DNAH3: variants seen among roughly 807,000 people sequenced by gnomAD.
DNAH3 encodes the protein dynein axonemal heavy chain 3, also known as axonemal beta dynein heavy chain 3.
DNAH3 carries 332 observed loss-of-function variants against 432.5 expected under a neutral mutation model. The observed-to-expected ratio is 0.77, with a 90% confidence interval of 0.70 to 0.84. The LOEUF (loss-of-function observed/expected upper bound fraction) is 0.84. Ranked by LOEUF, DNAH3 falls within the 40% of genes least tolerant of loss-of-function variation. DNAH3 has a pLI of 0.00. For synonymous variants in DNAH3, 1,956 were observed against 1,900.2 expected (o/e 1.03, Z -0.76); for missense variants, 4,861 against 5,114.0 (o/e 0.95, Z 1.51).
At chr16:20,969,214 G>T (rs895184314) in intron 52 of DNAH3, among the ~76,000 whole-genome samples, 1 of 151,110 alleles carries the variant, frequency 6.6e-6, no homozygotes, top group South Asian at 2.1e-4. Flanking sequence ...ATGCATGTCT[G>T]CAAGTGTGTT....
At chr16:20,944,399 A>C (rs2083950664) in intron 58 of DNAH3, 97 bp downstream of exon 58, 1 of 1,438,494 alleles carries the variant, frequency 7.0e-7, no homozygotes, top group Non-Finnish European at 9.6e-7. Context: ...CCAGGCCCCC[A>C]CTCTCTGCCT....
intron 1 of DNAH3, among the ~76,000 whole-genome samples, chr16:21,147,464 C>T (rs2152833714): frequency 6.6e-6 from 1 of 152,264 alleles, no homozygotes; most frequent in Middle Eastern, 3.4e-3. Flanking sequence ...GATCCACCTG[C>T]TTCGACCTTC....
chr16:21,040,049 C>A, intron 32 of DNAH3, 106 bp from the exon 33 acceptor site: 1 of 910,904 alleles, frequency 1.1e-6, no homozygotes, highest in Non-Finnish European at 1.8e-6. Flanking sequence ...TCAGGCCACT[C>A]CAGTGACAAT....
chr16:21,083,022 CTT>C (rs112090022), intron 19 of DNAH3, among the ~76,000 whole-genome samples: 2 of 140,182 alleles, frequency 1.4e-5, no homozygotes, highest in African/African-American at 2.6e-5. Flanking sequence ...TTTTTCCATA[CTT>C]TTTTTTTTTT....
Position 21,153,748 on chromosome 16 carries a change from T to TA in DNAH3, c.117+5576dup, listed in dbSNP as rs577651997. Among the ~76,000 whole-genome samples, 20 of 152,086 alleles carry TA rather than the reference T, an allele frequency of 1.3e-4. 1 individual carries two copies. In the South Asian group the frequency reaches 4.0e-3, roughly 30 times the overall value. ...GGAACAAACTCCAGACGCGCTACCTTAAGAGCTGTAACACTCACCGCGAGG... is the reference window on the plus strand; with the variant it reads ...GGAACAAACTCCAGACGCGCTACCTTAAAGAGCTGTAACACTCACCGCGAGG... On this transcript the variant is annotated intron_variant, in intron 1 of 61. Transcript: ENST00000261383.
At chr16:20,998,144 G>A (rs1312587909) in intron 43 of DNAH3, among the ~76,000 whole-genome samples, 3 of 152,194 alleles carry the variant, frequency 2.0e-5, no homozygotes, top group Non-Finnish European at 2.9e-5. Context: ...GATGGCAACA[G>A]TCAAGCTCCC....
At chr16:21,131,494 G>GAA (rs2092558615) in intron 7 of DNAH3, among the ~76,000 whole-genome samples, 1 of 6,406 alleles carries the variant, frequency 1.6e-4, no homozygotes, top group African/African-American at 1.8e-4. Flanking sequence ...AAAAGAAAGA[G>GAA]AGATGAGAGA....
At chr16:21,078,863 T>C (rs1262862115) in intron 20 of DNAH3, among the ~76,000 whole-genome samples, 1 of 152,182 alleles carries the variant, frequency 6.6e-6, no homozygotes. Flanking sequence ...ATACATGCAA[T>C]ATCACACCTC....
rs576041693 is a variant in DNAH3, at chr16:20,997,102, G to A, written c.6601+181C>T. The A allele has an allele frequency of 4.2e-5, 24 of 574,932 alleles. No individual in the cohort carries two copies. In the South Asian group the frequency reaches 4.2e-4, roughly 10 times the overall value. 35.6% of individuals were successfully genotyped at this position (574,932 alleles called of 1,614,324 possible). On this transcript the variant is annotated intron_variant, in intron 44 of 61. Coordinates refer to ENST00000261383, the Ensembl canonical transcript of DNAH3. Reference sequence around the variant, plus strand: ...ACACTCCTCACATCTTCTTGCCATCGTCCCCTTCTATTTCACACAATTTCC... The same window carrying A: ...ACACTCCTCACATCTTCTTGCCATCATCCCCTTCTATTTCACACAATTTCC...
intron 7 of DNAH3, among the ~76,000 whole-genome samples, chr16:21,131,512 G>GGAAA (rs2092560526): frequency 6.8e-6 from 1 of 147,474 alleles, no homozygotes; most frequent in African/African-American, 2.5e-5. Context: ...AGAGAAGGAA[G>GGAAA]GAAGGAAGGA....
intron 59 of DNAH3, among the ~76,000 whole-genome samples, chr16:20,938,628 G>A (rs777652878): frequency 2.8e-4 from 40 of 142,506 alleles, no homozygotes; most frequent in Non-Finnish European, 4.6e-4. Context: ...CTGAACTGTC[G>A]CTGAATCATT....
chr16:21,129,863 C>T (rs2092521827), intron 7 of DNAH3: 1 of 152,062 alleles, frequency 6.6e-6, no homozygotes, highest in South Asian at 2.1e-4. Flanking sequence ...CAGCCCCACA[C>T]AAACCACACT....
At chr16:21,050,509 G>T (rs557184681) in intron 29 of DNAH3, among the ~76,000 whole-genome samples, 12 of 152,284 alleles carry the variant, frequency 7.9e-5, no homozygotes, top group African/African-American at 2.9e-4. Flanking sequence ...CATGGTCACA[G>T]CTCACTGCAG....
At chr16:21,017,462 G>T (rs2087917239) in intron 41 of DNAH3, among the ~76,000 whole-genome samples, 1 of 152,114 alleles carries the variant, frequency 6.6e-6, no homozygotes, top group Admixed American at 6.6e-5. Flanking sequence ...TCAAAAGAAT[G>T]CAACCATTTC....
At chr16:21,157,336 C>CTTT (rs34449371) in intron 1 of DNAH3, among the ~76,000 whole-genome samples, 26 of 111,836 alleles carry the variant, frequency 2.3e-4, no homozygotes, top group Non-Finnish European at 3.7e-4. Context: ...GTGATTGCTT[C>CTTT]TTTTTTTTTT....
At chr16:21,095,533 G>A (rs1357421786) in intron 18 of DNAH3, among the ~76,000 whole-genome samples, 1 of 152,122 alleles carries the variant, frequency 6.6e-6, no homozygotes. Flanking sequence ...GTTGCCAGGG[G>A]TTACAACTGG....
At chr16:20,998,246 TTTTG>T (rs769157877) in intron 43 of DNAH3, among the ~76,000 whole-genome samples, 11 of 151,982 alleles carry the variant, frequency 7.2e-5, no homozygotes, top group East Asian at 1.9e-4. Context: ...AGCTGGAGTT[TTTTG>T]TTTGTTTGTT....
Position 21,036,973 on chromosome 16 carries a change from T to C in DNAH3, c.4951-125A>G, listed in dbSNP as rs1362055453. On this transcript the variant is annotated intron_variant, in intron 34 of 61. Transcript: ENST00000261383. The stretch of plus-strand genomic sequence containing the variant: ...GAAAAATTCCAGACCTTATTTTTCT[T>C]GCACCAAAACTTTTCTACAATTACA... The C allele has an allele frequency of 2.2e-5, 17 of 759,676 alleles. 1 individual carries two copies. The highest frequency in any genetic ancestry group is 2.0e-4 in the South Asian group (10 of 50,512). The allele number at this position is 759,676 out of a possible 1,614,324, so 47.1% of individuals were successfully genotyped here.
intron 8 of DNAH3, among the ~76,000 whole-genome samples, chr16:21,126,446 T>C (rs188431898): frequency 6.6e-6 from 1 of 152,338 alleles, no homozygotes; most frequent in East Asian, 1.9e-4. Flanking sequence ...GGTATTATTA[T>C]CACTGTTTTA....
Sources: gnomAD v4.1 joint callset for allele counts (sites outside exome capture counted in the v4.1 genomes callset) on GRCh38, gnomAD v4.1.1 for gene constraint, MANE v1.5 for transcripts, NCBI Gene and HGNC (gene_info 2026-07-23, HGNC 2026-07-21) for gene names.